WASHC5: variants seen among roughly 807,000 people sequenced by gnomAD.
WASHC5 encodes the protein WASH complex subunit strumpellin.
A neutral mutation model predicts 150.4 loss-of-function variants in WASHC5; 101 were observed. That is an observed-to-expected ratio of 0.67 (90% CI 0.57 to 0.79). The LOEUF is 0.79. WASHC5 is among the 30% of genes least tolerant of loss of function. The pLI is 0.00. For missense variants in WASHC5, 1,195 were observed against 1,396.3 expected (o/e 0.86, Z 2.30); for synonymous variants, 467 against 491.2 (o/e 0.95, Z 0.65).
chr8:125,032,542 T>C, intron 26 of WASHC5, 148 bp from the exon 27 acceptor site: 1 of 911,888 alleles, frequency 1.1e-6, no homozygotes. Flanking sequence ...CTGGGCCATA[T>C]TTTGAATTAG....
Position 125,082,372 on chromosome 8 carries a change from T to C in WASHC5, c.417+11A>G, listed in dbSNP as rs2384917. 73,814 of 1,412,044 alleles carry C rather than the reference T, an allele frequency of 0.052. 7,033 individuals carry two copies. The highest frequency in any genetic ancestry group is 0.38 in the African/African-American group (26,762 of 70,378). The allele number at this position is 1,412,044 out of a possible 1,614,324, so 87.5% of individuals were successfully genotyped here. Reference sequence around the variant, plus strand: ...TCTTGAATTTCATTTTAAATAATCATTATTACTTACTAGAAGTTGTTTTCC... The same window carrying C: ...TCTTGAATTTCATTTTAAATAATCACTATTACTTACTAGAAGTTGTTTTCC... On this transcript the variant is annotated intron_variant, in intron 4 of 28. Transcript: ENST00000318410.
intron 6 of WASHC5, 152 bp from the exon 7 acceptor site, chr8:125,076,652 T>G: frequency 1.3e-6 from 1 of 785,722 alleles, no homozygotes; most frequent in Non-Finnish European, 2.1e-6. Context: ...TCTCAGACTG[T>G]ACCATTGCTT....
rs1039491716 is a variant in WASHC5, at chr8:125,091,776, G to C, written c.-286C>G. Reference sequence around the variant, plus strand: ...GACTTCCGCCCCTGACTCCCCAGGCGGTCACATGACCGAAGCGGCTGGGAG... The same window carrying C: ...GACTTCCGCCCCTGACTCCCCAGGCCGTCACATGACCGAAGCGGCTGGGAG... On this transcript the variant is annotated 5_prime_UTR_variant, in exon 1 of 29. Transcript: ENST00000318410. 3 of 152,408 alleles carry C rather than the reference G, an allele frequency of 2.0e-5. No individual in the cohort carries two copies. The highest frequency in any genetic ancestry group is 2.9e-5 in the Non-Finnish European group (2 of 68,176). The allele number at this position is 152,408 out of a possible 1,614,324, so 9.4% of individuals were successfully genotyped here.
chr8:125,083,225 T>G lies in WASHC5; in HGVS notation c.220A>C (p.Lys74Gln), dbSNP rs1489395046. ...PELWESKLDA[K>Q]PELQDLDEEF... ...TCATCTAAATCCTGTAGCTCTGGCTTAGCATCCAGTTTGCTTTCCCATAAT... is the reference window on the plus strand; with the variant it reads ...TCATCTAAATCCTGTAGCTCTGGCTGAGCATCCAGTTTGCTTTCCCATAAT... The change falls in exon 3 of 29, where the codon AAG becomes CAG. Residue 74 changes from lysine (K) to glutamine (Q), a missense_variant. Physicochemically the swap from Lys to Gln is moderately conservative, Grantham distance 53. Around this residue, in one of 3 missense-constraint regions of WASHC5, gnomAD observed 195 missense variants for 206.9 expected, o/e 0.94. Transcript: ENST00000318410. 6.8e-6 allele frequency: 11 copies of G among 1,613,260 alleles called. No homozygotes were observed. Among genetic ancestry groups the G allele is most frequent in the Non-Finnish European group, 9.3e-6 (11 of 1,179,452 alleles).
At chr8:125,059,584 A>C (rs770178507) in intron 12 of WASHC5, 42 bp from the exon 13 acceptor site, 3 of 1,455,968 alleles carry the variant, frequency 2.1e-6, no homozygotes, top group Non-Finnish European at 2.9e-6. Flanking sequence ...TCCTGAATGG[A>C]CTCTATGGTG....
At chr8:125,084,842 T>C (rs1327657883) in intron 1 of WASHC5, among the ~76,000 whole-genome samples, 1 of 152,234 alleles carries the variant, frequency 6.6e-6, no homozygotes, top group Non-Finnish European at 1.5e-5. Flanking sequence ...CTTAAGGGAA[T>C]CACCTAGCAT....
At chr8:125,046,993 G>A (rs1429506814) in intron 20 of WASHC5, among the ~76,000 whole-genome samples, 1 of 152,140 alleles carries the variant, frequency 6.6e-6, no homozygotes, top group East Asian at 1.9e-4. Context: ...CTTGCCCATC[G>A]CTCACCTCTT....
intron 23 of WASHC5, among the ~76,000 whole-genome samples, chr8:125,040,276 T>C (rs1313147023): frequency 6.6e-6 from 1 of 152,190 alleles, no homozygotes; most frequent in African/African-American, 2.4e-5. Flanking sequence ...ACTTACTTCC[T>C]TTTATTTATC....
intron 23 of WASHC5, among the ~76,000 whole-genome samples, chr8:125,041,936 C>T (rs550028650): frequency 5.3e-5 from 8 of 152,242 alleles, no homozygotes; most frequent in Admixed American, 3.3e-4. Flanking sequence ...CTGTATCTGG[C>T]CCATATAATT....
chr8:125,047,101 A>C (rs1586348921), intron 20 of WASHC5, 106 bp downstream of exon 20: 1 of 1,362,014 alleles, frequency 7.3e-7, no homozygotes. Flanking sequence ...ATGAGTTGAC[A>C]AGTGCAGGAC....
At chr8:125,041,441 A>C (rs1815883789) in intron 23 of WASHC5, among the ~76,000 whole-genome samples, 2 of 152,166 alleles carry the variant, frequency 1.3e-5, no homozygotes, top group Admixed American at 1.3e-4. Flanking sequence ...GGAGTTCGAG[A>C]CCAAGCCTGG....
chr8:125,046,475 C>A (rs1316012816), intron 20 of WASHC5, among the ~76,000 whole-genome samples: 2 of 152,190 alleles, frequency 1.3e-5, no homozygotes, highest in East Asian at 3.8e-4. Flanking sequence ...GTATACAAAG[C>A]TATGCAGTCT....
chr8:125,059,108 T>C (rs1816504668), intron 14 of WASHC5, 114 bp downstream of exon 14: 1 of 773,486 alleles, frequency 1.3e-6, no homozygotes. Flanking sequence ...TATAAAAATA[T>C]TGAAATTATT....
In WASHC5 at chr8:125,043,900, A is replaced by C; in HGVS notation, c.2775T>G (p.Asn925Lys). The change falls in exon 23 of 29, where the codon AAT (asparagine) becomes AAG (lysine). Residue 925 changes from asparagine (N) to lysine (K), a missense_variant. Asn to Lys is a moderately conservative substitution (Grantham distance 94). Around this residue, in one of 3 missense-constraint regions of WASHC5, gnomAD observed 997 missense variants for 1,168.1 expected, o/e 0.85. Transcript: ENST00000318410. ...TGGCGGAAAAATAAATTTTATTTGA[A>C]TTTGCTGAAAAGTTAAAACATAATT... ...AVSPLKSIVA[N>K]SNKIYFSAIA... 1 of 1,612,046 alleles carries C rather than the reference A, an allele frequency of 6.2e-7. No individual in the cohort carries two copies. The highest frequency in any genetic ancestry group is 8.5e-7 in the Non-Finnish European group (1 of 1,178,152).
rs1472183928 is a variant in WASHC5 at position 125,083,305 on chromosome 8, T to G, written c.187-47A>C. ...GAAATGTCAATAAAAGCATACTTGTTGGTGACAATTTCTAAATAGTCTTTT... is the reference window on the plus strand; with the variant it reads ...GAAATGTCAATAAAAGCATACTTGTGGGTGACAATTTCTAAATAGTCTTTT... On this transcript the variant is annotated intron_variant, in intron 2 of 28. Coordinates refer to ENST00000318410, the MANE Select transcript of WASHC5 (RefSeq NM_014846.4). The G allele has an allele frequency of 2.6e-6, 4 of 1,567,520 alleles. No homozygotes were observed. In the Admixed American group the frequency reaches 5.1e-5, roughly 20 times the overall value.
At position 125,081,667 on chromosome 8, in the gene WASHC5, C is replaced by T. The variant is rs1554597502; in HGVS notation, c.512G>A (p.Arg171Gln). ...AGTCCTAGCCCAGGAATACCTGTAT[C>T]GGTAGTAAGAAACCAGCATCCTCTC... is the stretch of plus-strand genomic sequence containing the variant. ...VRERMLVSYY[R>Q]YSAARSSADS... The change falls in exon 5 of 29, where the codon CGA becomes CAA. Residue 171 changes from arginine (R) to glutamine (Q), a missense_variant. Arg to Gln is a conservative substitution (Grantham distance 43). Coordinates refer to ENST00000318410, the MANE Select transcript of WASHC5 (RefSeq NM_014846.4). The T allele has an allele frequency of 6.9e-6, 11 of 1,593,640 alleles. No homozygotes were observed. Among genetic ancestry groups the T allele is most frequent in the Non-Finnish European group, 8.6e-6 (10 of 1,162,046 alleles).
Position 125,055,569 on chromosome 8 carries a change from C to A in WASHC5, c.2097+22G>T, listed in dbSNP as rs72720514. On this transcript the variant is annotated intron_variant, in intron 17 of 28. Coordinates refer to ENST00000318410, the MANE Select transcript of WASHC5 (RefSeq NM_014846.4). ...AGCTAAGAGTCATGGTGCGAGGCCA[C>A]GCAGACTAACAAAACTGTTACCTTG... 2,671 of 1,470,198 alleles carry A rather than the reference C, an allele frequency of 1.8e-3. 6 individuals are homozygous for A. The highest frequency in any genetic ancestry group is 2.1e-3 in the Non-Finnish European group (2,250 of 1,048,986). 91.1% of individuals were successfully genotyped at this position (1,470,198 alleles called of 1,614,324 possible). A position where few individuals can be genotyped will look rare whatever the true frequency, so the allele number is the denominator to read the frequency against.
chr8:125,064,854 G>T (rs539944826), intron 10 of WASHC5, among the ~76,000 whole-genome samples: 1 of 152,258 alleles, frequency 6.6e-6, no homozygotes, highest in African/African-American at 2.4e-5. Context: ...ATTTTGCGGG[G>T]CCTGTAGAGG....
chr8:125,063,958 A>T lies in WASHC5; in HGVS notation c.1279-307T>A, dbSNP rs115391650. 0.026 allele frequency among the ~76,000 whole-genome samples: 3,995 copies of T among 152,226 alleles called. 178 individuals are homozygous for T. Among genetic ancestry groups the T allele is most frequent in the African/African-American group, 0.092 (3,826 of 41,514 alleles). ...GATTCTCGTTCAGGCGGTCTTGAAT[A>T]GGGCCAGAAATCCGCATTTTTAATG... On this transcript the variant is annotated intron_variant, in intron 10 of 28. Transcript: ENST00000318410.
Sources: gnomAD v4.1 joint callset for allele counts (sites outside exome capture counted in the v4.1 genomes callset) on GRCh38, gnomAD v4.1.1 for gene constraint, gnomAD v4.1.1 regional missense constraint, MANE v1.5 for transcripts, NCBI Gene and HGNC (gene_info 2026-07-23, HGNC 2026-07-21) for gene names.